The following PTPRD variants were observed in gnomAD, a reference collection of about 807,000 sequenced individuals.
The protein encoded by PTPRD is protein tyrosine phosphatase receptor type D.
PTPRD carries 34 observed loss-of-function variants against 214.5 expected under a neutral mutation model. That is an observed-to-expected ratio of 0.16 (90% CI 0.12 to 0.21). The LOEUF (loss-of-function observed/expected upper bound fraction) is 0.21, where lower values mean the gene tolerates loss of function less well. PTPRD is among the 10% of genes least tolerant of loss of function. PTPRD has a pLI of 1.00. For synonymous variants in PTPRD, 1,128 were observed against 845.7 expected (o/e 1.33, Z -5.79); for missense variants, 2,545 against 2,398.7 (o/e 1.06, Z -1.27).
At chr9:8,550,354 T>G (rs963390219) in intron 14 of PTPRD, among the ~76,000 whole-genome samples, 1 of 152,204 alleles carries the variant, frequency 6.6e-6, no homozygotes, top group East Asian at 1.9e-4. Flanking sequence ...ATTTGTCATA[T>G]AGTAAATACT....
chr9:10,263,054 C>G (rs2093801694), intron 3 of PTPRD, among the ~76,000 whole-genome samples: 1 of 152,120 alleles, frequency 6.6e-6, no homozygotes, highest in Non-Finnish European at 1.5e-5. Flanking sequence ...GTAAGGTGTG[C>G]CTTTCACCTT....
rs547544601 is a variant in PTPRD, at chr9:9,601,299, G to T, written c.-286-26518C>A. ...TGAAGCTTTGTGAGATTTTAAACTT[G>T]CAGTTCAAGCTGAAAATTGACACTG... On this transcript the variant is annotated intron_variant, in intron 7 of 45. Coordinates refer to ENST00000381196, the MANE Select transcript of PTPRD (RefSeq NM_002839.4). 2.6e-5 allele frequency among the ~76,000 whole-genome samples: 4 copies of T among 152,002 alleles called. No homozygotes were observed. The East Asian group carries it at 5.8e-4, about 22-fold the overall frequency.
chr9:10,598,151 G>C (rs1324268343), intron 2 of PTPRD, among the ~76,000 whole-genome samples: 4 of 131,908 alleles, frequency 3.0e-5, no homozygotes, highest in African/African-American at 5.1e-5. Flanking sequence ...AACATGAAGA[G>C]ATGTGAATTA....
At chr9:10,428,783 G>C (rs963790753) in intron 2 of PTPRD, among the ~76,000 whole-genome samples, 3 of 152,058 alleles carry the variant, frequency 2.0e-5, no homozygotes, top group Non-Finnish European at 4.4e-5. Context: ...ATTTGTGAGG[G>C]GAATATAGAC....
chr9:9,731,652 T>C (rs1029753402), intron 7 of PTPRD, among the ~76,000 whole-genome samples: 7 of 152,190 alleles, frequency 4.6e-5, no homozygotes, highest in African/African-American at 1.2e-4. Context: ...GATGAGTTCA[T>C]GTCCTTTGTA....
chr9:10,254,612 T>C (rs79182378), intron 3 of PTPRD, among the ~76,000 whole-genome samples: 73 of 152,310 alleles, frequency 4.8e-4, no homozygotes, highest in African/African-American at 1.7e-3. Flanking sequence ...CTTTTAATTA[T>C]CTTTGCAGTC....
chr9:9,415,113 C>T (rs1288420531), intron 8 of PTPRD, among the ~76,000 whole-genome samples: 8 of 152,082 alleles, frequency 5.3e-5, no homozygotes, highest in Admixed American at 5.2e-4. Context: ...GCTCAGATAG[C>T]AATAACTGCT....
At chr9:10,587,149 C>A (rs2132676959) in intron 2 of PTPRD, among the ~76,000 whole-genome samples, 1 of 152,014 alleles carries the variant, frequency 6.6e-6, no homozygotes, top group East Asian at 1.9e-4. Context: ...CCCATTGTGA[C>A]AGGTAATACA....
intron 3 of PTPRD, among the ~76,000 whole-genome samples, chr9:10,114,925 T>C (rs1217412967): frequency 1.3e-5 from 2 of 151,852 alleles, no homozygotes; most frequent in Non-Finnish European, 2.9e-5. Context: ...TCTAAGGAAT[T>C]ATAGTGGTCT....
chr9:9,982,695 T>G (rs1422790685), intron 4 of PTPRD, among the ~76,000 whole-genome samples: 3 of 152,092 alleles, frequency 2.0e-5, no homozygotes, highest in Non-Finnish European at 4.4e-5. Flanking sequence ...TGATTAGTTT[T>G]TGTTTTGTAT....
chr9:9,145,769 T>A (rs2099867568), intron 10 of PTPRD, among the ~76,000 whole-genome samples: 1 of 152,354 alleles, frequency 6.6e-6, no homozygotes, highest in South Asian at 2.1e-4. Flanking sequence ...AGATTGGGAC[T>A]ATGGCCATAT....
At chr9:10,528,124 G>A (rs1439429051) in intron 2 of PTPRD, among the ~76,000 whole-genome samples, 1 of 152,102 alleles carries the variant, frequency 6.6e-6, no homozygotes, top group African/African-American at 2.4e-5. Context: ...GGAGCCTGAT[G>A]CAGATCTCTA....
At chr9:9,025,248 A>C (rs572213043) in intron 10 of PTPRD, among the ~76,000 whole-genome samples, 2 of 152,054 alleles carry the variant, frequency 1.3e-5, no homozygotes, top group South Asian at 4.1e-4. Context: ...CTAAAGAGGG[A>C]GGCTTTACTG....
chr9:9,548,882 C>T (rs1016654595), intron 8 of PTPRD, among the ~76,000 whole-genome samples: 3 of 151,926 alleles, frequency 2.0e-5, no homozygotes, highest in East Asian at 1.9e-4. Flanking sequence ...ATTGACAATA[C>T]GAAAGGAAGA....
intron 10 of PTPRD, among the ~76,000 whole-genome samples, chr9:9,178,873 CAATT>C (rs1330631642): frequency 6.6e-6 from 1 of 152,104 alleles, no homozygotes; most frequent in African/African-American, 2.4e-5. Flanking sequence ...TCTACATACA[CAATT>C]AACCTTCCCT....
intron 3 of PTPRD, among the ~76,000 whole-genome samples, chr9:10,179,979 G>C (rs769513651): frequency 2.4e-4 from 37 of 152,136 alleles, no homozygotes; most frequent in Non-Finnish European, 4.6e-4. Flanking sequence ...TAAATAAAAA[G>C]TTGAAATAAG....
chr9:8,381,126 T>C (rs1017284798), intron 37 of PTPRD, among the ~76,000 whole-genome samples: 3 of 152,208 alleles, frequency 2.0e-5, no homozygotes, highest in Non-Finnish European at 4.4e-5. Flanking sequence ...TCTAAATTCG[T>C]ACCTAGTAAG....
chr9:10,527,865 T>C (rs2054790558), intron 2 of PTPRD, among the ~76,000 whole-genome samples: 2 of 152,184 alleles, frequency 1.3e-5, no homozygotes, highest in African/African-American at 2.4e-5. Flanking sequence ...TCAATATTTA[T>C]GGCATTATGA....
intron 5 of PTPRD, among the ~76,000 whole-genome samples, chr9:9,894,269 T>C (rs1337628051): frequency 6.6e-6 from 1 of 152,050 alleles, no homozygotes; most frequent in East Asian, 1.9e-4. Context: ...CCCAGATTTC[T>C]TCTGGAAAGC....
Sources: allele counts gnomAD v4.1 joint callset (sites outside exome capture counted in the v4.1 genomes callset), GRCh38; gene constraint gnomAD v4.1.1; transcripts MANE v1.5; gene names NCBI Gene and HGNC (gene_info 2026-07-23, HGNC 2026-07-21).